Variants in SS18 observed in about 807,000 individuals in gnomAD.
SS18 encodes protein SSXT.
In SS18, 28 loss-of-function variants were observed where a neutral mutation model predicts 72.5. The observed-to-expected ratio is 0.39, with a 90% CI of 0.29 to 0.53. The LOEUF (loss-of-function observed/expected upper bound fraction) is 0.53. Ranked by LOEUF, SS18 falls within the 20% of genes least tolerant of loss-of-function variation. SS18 has a pLI of 0.76. For missense variants in SS18, 518 were observed against 535.3 expected (o/e 0.97, Z 0.32); for synonymous variants, 172 against 164.2 (o/e 1.05, Z -0.37).
chr18:26,084,285 G>T (rs544587209), intron 2 of SS18: 1 of 152,136 alleles, frequency 6.6e-6, no homozygotes, highest in South Asian at 2.1e-4. Flanking sequence ...TGAAGGAATA[G>T]GAAAAGAACA....
chr18:26,084,299 T>G (rs2054579808), intron 2 of SS18: 1 of 152,138 alleles, frequency 6.6e-6, no homozygotes, highest in Non-Finnish European at 1.5e-5. Context: ...AAGAACAAAT[T>G]TCTTCCTCAC....
chr18:26,061,516 A>G (rs1018647013), intron 3 of SS18, among the ~76,000 whole-genome samples: 26 of 152,342 alleles, frequency 1.7e-4, no homozygotes, highest in African/African-American at 6.0e-4. Flanking sequence ...ATTAAAAACT[A>G]AAGTCAGAAA....
intron 3 of SS18, among the ~76,000 whole-genome samples, chr18:26,072,796 CAA>C (rs71169810): frequency 0.051 from 1,659 of 32,580 alleles, 22 homozygotes; most frequent in African/African-American, 0.11. Context: ...GACTCCGTCT[CAA>C]AAAAAAAAAA....
At chr18:26,062,023 G>C (rs980885302) in intron 3 of SS18, among the ~76,000 whole-genome samples, 1 of 152,162 alleles carries the variant, frequency 6.6e-6, no homozygotes, top group African/African-American at 2.4e-5. Context: ...CACTTTGGAA[G>C]GCCGAGGTGG....
At chr18:26,090,941 C>G, upstream of SS18, 1 of 306,862 alleles carries the variant, frequency 3.3e-6, no homozygotes, top group Non-Finnish European at 6.1e-6. Context: ...CTGGGGCAGC[C>G]CCTGTCACAG....
chr18:26,067,872 G>A lies in SS18; in HGVS notation c.232-10130C>T, dbSNP rs755866667. Among the ~76,000 whole-genome samples the A allele has an allele frequency of 7.9e-5, 12 of 152,286 alleles. No homozygotes were observed. In the East Asian group the frequency reaches 9.6e-4, roughly 12 times the overall value. On this transcript the variant is annotated intron_variant, in intron 3 of 10. Coordinates refer to ENST00000415083, the MANE Select transcript of SS18 (RefSeq NM_001007559.3). ...GGCAATTTTTCCACTGATGGTGGCC[G>A]GATGGTGGGAGGGGCAGGCGAGGGA...
At position 26,018,029 on chromosome 18, in the gene SS18, C is replaced by T. The variant is rs775551914; in HGVS notation, c.*325G>A. 1 of 266,504 alleles carries T rather than the reference C, an allele frequency of 3.8e-6. No individual in the cohort carries two copies. Among genetic ancestry groups the T allele is most frequent in the Non-Finnish European group, 7.1e-6 (1 of 140,040 alleles). 16.5% of individuals were successfully genotyped at this position (266,504 alleles called of 1,614,324 possible). On this transcript the variant is annotated 3_prime_UTR_variant, in exon 11 of 11. Coordinates refer to ENST00000415083, the MANE Select transcript of SS18 (RefSeq NM_001007559.3). The stretch of plus-strand genomic sequence containing the variant: ...ATTAAATTCCCTTACCCTTCATAAA[C>T]ATACAAAGCTGTTCACACCTTTCAG...
chr18:26,065,800 C>T (rs1373919935), intron 3 of SS18, among the ~76,000 whole-genome samples: 12 of 55,602 alleles, frequency 2.2e-4, no homozygotes, highest in Non-Finnish European at 3.6e-4. Context: ...CCTACAAATC[C>T]ATATATATAT....
intron 10 of SS18, among the ~76,000 whole-genome samples, chr18:26,029,680 T>C (rs1183688692): frequency 6.6e-6 from 1 of 152,200 alleles, no homozygotes; most frequent in South Asian, 2.1e-4. Flanking sequence ...ACCCTTTTAA[T>C]TTCTCCCCTT....
chr18:26,034,491 C>G (rs545453837), intron 9 of SS18, among the ~76,000 whole-genome samples: 2 of 151,880 alleles, frequency 1.3e-5, no homozygotes, highest in East Asian at 3.9e-4. Flanking sequence ...GTATGATACA[C>G]AGCTGCAATA....
intron 3 of SS18, among the ~76,000 whole-genome samples, chr18:26,074,656 T>C (rs2054377597): frequency 6.6e-6 from 1 of 152,020 alleles, no homozygotes; most frequent in Non-Finnish European, 1.5e-5. Context: ...TTGTTTTAAT[T>C]TCACAACTGA....
intron 3 of SS18, among the ~76,000 whole-genome samples, chr18:26,076,041 A>G (rs1009081621): frequency 4.6e-5 from 7 of 151,972 alleles, no homozygotes; most frequent in Non-Finnish European, 8.8e-5. Flanking sequence ...GGGAAAAATC[A>G]TAAAACTTCA....
chr18:26,056,989 G>A (rs1056886804), intron 4 of SS18, among the ~76,000 whole-genome samples: 5 of 152,048 alleles, frequency 3.3e-5, no homozygotes, highest in East Asian at 1.9e-4. Flanking sequence ...AAAGAGAATG[G>A]CTCAGTGTAT....
intron 10 of SS18, among the ~76,000 whole-genome samples, chr18:26,019,679 C>T (rs939587825): frequency 5.3e-5 from 8 of 149,818 alleles, no homozygotes; most frequent in African/African-American, 1.2e-4. Flanking sequence ...GGCGTGGTGG[C>T]GCACATCTGT....
At chr18:26,075,183 C>A (rs1187464405) in intron 3 of SS18, among the ~76,000 whole-genome samples, 1 of 151,828 alleles carries the variant, frequency 6.6e-6, no homozygotes, top group African/African-American at 2.4e-5. Context: ...GTAAATTCTT[C>A]TGGATAAGAA....
rs73944454 is a variant in SS18 at position 26,083,858 on chromosome 18, A to G, written c.146+3643T>C. Among the ~76,000 whole-genome samples, 320 of 152,294 alleles carry G rather than the reference A, an allele frequency of 2.1e-3. 1 individual carries two copies. Among genetic ancestry groups the G allele is most frequent in the African/African-American group, 6.8e-3 (284 of 41,588 alleles). On this transcript the variant is annotated intron_variant, in intron 2 of 10. Transcript: ENST00000415083. ...AACCAAAGAAGTAGATCAGCTAGTTAATTTTTTAAAGAACATTCTCAAATA... is the reference window on the plus strand; with the variant it reads ...AACCAAAGAAGTAGATCAGCTAGTTGATTTTTTAAAGAACATTCTCAAATA...
In SS18 at chr18:26,044,775, AG is replaced by A. The variant is rs2053790730; in HGVS notation, c.608-5320del. Reference sequence around the variant, plus strand: ...CCTGGATGGGGGTTTTGGGCCAAGCAGGGGGGTAAAGGATCGAGATTGGAGA... The same window carrying A: ...CCTGGATGGGGGTTTTGGGCCAAGCAGGGGGTAAAGGATCGAGATTGGAGA... On this transcript the variant is annotated intron_variant, in intron 5 of 10. Coordinates refer to ENST00000415083, the MANE Select transcript of SS18 (RefSeq NM_001007559.3). Among the ~76,000 whole-genome samples the A allele has an allele frequency of 3.9e-5, 6 of 152,144 alleles. No homozygotes were observed. The South Asian group carries it at 1.2e-3, about 32-fold the overall frequency.
At chr18:26,063,129 C>A (rs1256046341) in intron 3 of SS18, among the ~76,000 whole-genome samples, 2 of 152,108 alleles carry the variant, frequency 1.3e-5, no homozygotes, top group African/African-American at 4.8e-5. Context: ...TAAAGCAAGT[C>A]AATAAATATC....
chr18:26,068,444 CAA>C (rs1402865797), intron 3 of SS18: 1 of 152,128 alleles, frequency 6.6e-6, no homozygotes, highest in Non-Finnish European at 1.5e-5. Flanking sequence ...CTAACCATAA[CAA>C]AGTTACCTAT....
Sources: allele counts gnomAD v4.1 joint callset (sites outside exome capture counted in the v4.1 genomes callset), GRCh38; gene constraint gnomAD v4.1.1; transcripts MANE v1.5; gene names NCBI Gene and HGNC (gene_info 2026-07-23, HGNC 2026-07-21).